The following RBFOX1 variants were observed in gnomAD, a reference collection of about 807,000 sequenced individuals.
The protein encoded by RBFOX1 is RNA binding fox-1 homolog 1.
Under a neutral mutation model 57.7 loss-of-function variants are expected in RBFOX1, and 8 were observed. The observed-to-expected ratio is 0.14, with a 90% CI of 0.08 to 0.25. RBFOX1 has a LOEUF of 0.25. Among genes scored for constraint, RBFOX1 ranks in the 10% least tolerant of loss-of-function variants. The probability of loss-of-function intolerance (pLI) is 1.00; values close to 1 mark genes in which losing one functional copy is unlikely to be tolerated. For missense variants in RBFOX1, 611 were observed against 548.5 expected (o/e 1.11, Z -1.14); for synonymous variants, 326 against 222.4 (o/e 1.47, Z -4.15).
chr16:6,209,144 T>C (rs2097275197), intron 1 of RBFOX1, among the ~76,000 whole-genome samples: 1 of 152,182 alleles, frequency 6.6e-6, no homozygotes, highest in African/African-American at 2.4e-5. Flanking sequence ...CAGCATTTAC[T>C]TTAAAGGTGA....
chr16:6,471,171 G>A (rs191854216), intron 2 of RBFOX1, among the ~76,000 whole-genome samples: 12 of 152,194 alleles, frequency 7.9e-5, no homozygotes, highest in African/African-American at 2.6e-4. Context: ...TCACATCTCT[G>A]CACCTTTGCA....
At chr16:7,456,247 A>T (rs773822651) in intron 4 of RBFOX1, among the ~76,000 whole-genome samples, 4 of 152,098 alleles carry the variant, frequency 2.6e-5, no homozygotes, top group Non-Finnish European at 5.9e-5. Flanking sequence ...CCTCCTCTCA[A>T]CATTGCCTAT....
intron 11 of RBFOX1, among the ~76,000 whole-genome samples, chr16:7,644,412 G>A (rs1472627516): frequency 6.6e-6 from 1 of 152,136 alleles, no homozygotes; most frequent in Non-Finnish European, 1.5e-5. Context: ...CAATCACATC[G>A]TTCCTTGAAT....
At chr16:7,607,719 T>C (rs2056614351) in intron 10 of RBFOX1, among the ~76,000 whole-genome samples, 1 of 152,232 alleles carries the variant, frequency 6.6e-6, no homozygotes, top group Non-Finnish European at 1.5e-5. Flanking sequence ...TGGCATTTTC[T>C]TTTTCCTGGC....
At chr16:6,989,381 T>C (rs4299171) in intron 3 of RBFOX1, among the ~76,000 whole-genome samples, 151,433 of 152,338 alleles carry the variant, frequency 0.99, 75,270 homozygotes, top group East Asian at 1. Flanking sequence ...TAAACAGCAT[T>C]ATATAGTGTA....
chr16:6,589,323 G>A (rs1009016255), intron 2 of RBFOX1, among the ~76,000 whole-genome samples: 2 of 152,242 alleles, frequency 1.3e-5, no homozygotes, highest in African/African-American at 4.8e-5. Flanking sequence ...AGAGCCAGCT[G>A]TATGGGAGAC....
chr16:6,619,211 C>T (rs117946381), intron 2 of RBFOX1, among the ~76,000 whole-genome samples: 3 of 152,100 alleles, frequency 2.0e-5, no homozygotes, highest in East Asian at 3.9e-4. Flanking sequence ...CTCTGTCCCC[C>T]CCTTAAACAG....
intron 2 of RBFOX1, among the ~76,000 whole-genome samples, chr16:6,593,072 C>G (rs951705895): frequency 1.3e-5 from 2 of 152,102 alleles, no homozygotes; most frequent in Non-Finnish European, 2.9e-5. Context: ...GGTGCCTGTA[C>G]TCCCAGCTAC....
intron 11 of RBFOX1, among the ~76,000 whole-genome samples, chr16:7,645,643 C>G (rs2063601100): frequency 6.6e-6 from 1 of 152,154 alleles, no homozygotes; most frequent in Non-Finnish European, 1.5e-5. Flanking sequence ...ATTACTCTTC[C>G]ATGTGGAGCA....
At chr16:6,763,628 T>G (rs886463976) in intron 3 of RBFOX1, among the ~76,000 whole-genome samples, 1 of 152,200 alleles carries the variant, frequency 6.6e-6, no homozygotes, top group East Asian at 1.9e-4. Flanking sequence ...GTCTCACCAA[T>G]TACGTATTTC....
chr16:6,431,896 G>GCTTGCTTTCTTTCTTT lies in RBFOX1; in HGVS notation c.-64+114842_-64+114843insGCTTTCTTTCTTTCTT, dbSNP rs1491277692. ...TGTCCAGAAATATGCTTGCTTGCTT[G>GCTTGCTTTCTTTCTTT]CTTTCTTTCTTTCTTTCTTTCTTTC... On this transcript the variant is annotated intron_variant, in intron 2 of 15. Transcript: ENST00000550418. Among the ~76,000 whole-genome samples, 535 of 128,154 alleles carry GCTTGCTTTCTTTCTTT rather than the reference G, an allele frequency of 4.2e-3. 2 individuals are homozygous for GCTTGCTTTCTTTCTTT. Among genetic ancestry groups the GCTTGCTTTCTTTCTTT allele is most frequent in the South Asian group, 6.2e-3 (22 of 3,560 alleles). The allele number at this position is 128,154 out of a possible 152,430, so 84.1% of individuals were successfully genotyped here.
chr16:6,051,103 GT>G (rs913263693), intron 1 of RBFOX1, among the ~76,000 whole-genome samples: 1 of 150,514 alleles, frequency 6.6e-6, no homozygotes, highest in Non-Finnish European at 1.5e-5. Flanking sequence ...AGTAATTGCA[GT>G]TTTTTCCCAT....
intron 3 of RBFOX1, among the ~76,000 whole-genome samples, chr16:6,926,526 G>C (rs1302038753): frequency 2.6e-5 from 4 of 152,192 alleles, no homozygotes; most frequent in Non-Finnish European, 5.9e-5. Context: ...CTGCAGGCCA[G>C]GGAGAGGCTT....
At chr16:7,181,602 G>T (rs2152525470) in intron 4 of RBFOX1, among the ~76,000 whole-genome samples, 1 of 150,298 alleles carries the variant, frequency 6.7e-6, no homozygotes, top group African/African-American at 2.4e-5. Context: ...TTGCTCTGTT[G>T]CCCAGGCTGG....
intron 2 of RBFOX1, among the ~76,000 whole-genome samples, chr16:5,526,748 A>G (rs1408326344): frequency 2.6e-5 from 4 of 152,082 alleles, no homozygotes; most frequent in African/African-American, 4.8e-5. Context: ...ATCCACGTAC[A>G]TTCTGTAAAG....
At chr16:7,523,050 T>C (rs2077866632) in intron 5 of RBFOX1, among the ~76,000 whole-genome samples, 1 of 152,236 alleles carries the variant, frequency 6.6e-6, no homozygotes, top group Admixed American at 6.5e-5. Context: ...TATAGCTTAA[T>C]TTGCAGTTTC....
intron 2 of RBFOX1, among the ~76,000 whole-genome samples, chr16:6,464,727 A>G (rs901895035): frequency 1.3e-5 from 2 of 152,330 alleles, no homozygotes; most frequent in East Asian, 1.9e-4. Context: ...CACCTTCCAT[A>G]TGGATTACGG....
chr16:6,946,098 G>A (rs903468723), intron 3 of RBFOX1, among the ~76,000 whole-genome samples: 26 of 152,212 alleles, frequency 1.7e-4, no homozygotes, highest in African/African-American at 5.8e-4. Flanking sequence ...GGGTAACTCA[G>A]GATTTGCTTT....
At chr16:5,667,324 T>A (rs1327621028) in intron 3 of RBFOX1, among the ~76,000 whole-genome samples, 1 of 152,270 alleles carries the variant, frequency 6.6e-6, no homozygotes, top group East Asian at 1.9e-4. Flanking sequence ...GGCTATACAT[T>A]TTCCCCTGAG....
Sources: gnomAD v4.1 joint callset for allele counts (sites outside exome capture counted in the v4.1 genomes callset) on GRCh38, gnomAD v4.1.1 for gene constraint, MANE v1.5 for transcripts, NCBI Gene and HGNC (gene_info 2026-07-23, HGNC 2026-07-21) for gene names.